Variants in ATP8B3 observed in about 807,000 individuals in gnomAD.
ATP8B3 encodes the protein phospholipid-transporting ATPase IK.
ATP8B3 carries 141 observed loss-of-function variants against 140.9 expected under a neutral mutation model. That is an observed-to-expected ratio of 1.00 (90% CI 0.87 to 1.15). The LOEUF (loss-of-function observed/expected upper bound fraction) is 1.15. Among genes scored for constraint, ATP8B3 ranks in the 50% most tolerant of loss-of-function variants. The pLI is 0.00. For synonymous variants in ATP8B3, 765 were observed against 714.6 expected (o/e 1.07, Z -1.13); for missense variants, 1,874 against 1,740.6 (o/e 1.08, Z -1.36).
chr19:1,796,472 G>A (rs886513025), intron 16 of ATP8B3, among the ~76,000 whole-genome samples: 13 of 152,246 alleles, frequency 8.5e-5, no homozygotes, highest in African/African-American at 2.7e-4. Flanking sequence ...CCGACCGCAG[G>A]CCTGGACATC....
In ATP8B3 at chr19:1,789,044, C is replaced by T; in HGVS notation, c.2922G>A (p.Gln974=). Residue 974 remains glutamine (Q), a synonymous_variant, in exon 24 of 29, where the codon CAG becomes CAA. Transcript: ENST00000310127. The part of the protein sequence containing the change: ...AVQNSDFVLG[Q]FCFLQRLLLV... ...GCAGGAGGCGCTGCAGGAAGCAGAA[C>T]TGGCCGAGCACGAAGTCGCTGTTCT... 5 of 1,607,474 alleles carry T rather than the reference C, an allele frequency of 3.1e-6. No homozygotes were observed. The highest frequency in any genetic ancestry group is 4.2e-6 in the Non-Finnish European group (5 of 1,177,778).
At chr19:1,790,300 CCCCCTCCCTCCACTGCCCCT>C (rs1338545057) in intron 21 of ATP8B3, among the ~76,000 whole-genome samples, 3 of 13,762 alleles carry the variant, frequency 2.2e-4, no homozygotes, top group African/African-American at 1.3e-3. Context: ...CCTCTCCCCT[CCCCCTCCCTCCACTGCCCCT>C]CCCCTCCTCC....
chr19:1,805,567 G>C lies in ATP8B3; in HGVS notation c.822-111C>G. On this transcript the variant is annotated intron_variant, in intron 9 of 28. Coordinates refer to ENST00000310127, the MANE Select transcript of ATP8B3 (RefSeq NM_138813.4). This position sits in a 1 kb window ranked among gnomAD's most constrained non-coding sequence, Gnocchi z 5.2. ...ATTTTCACTGAGCACCTACTAGTTC[G>C]CCAGCTGCCAGTCAGATGGCTGAGG... 1.0e-6 allele frequency: 1 copy of C among 957,370 alleles called. No individual in the cohort carries two copies. The highest frequency in any genetic ancestry group is 1.4e-5 in the South Asian group (1 of 69,398). The allele number at this position is 957,370 out of a possible 1,614,324, so 59.3% of individuals were successfully genotyped here. A position where few individuals can be genotyped will look rare whatever the true frequency, so the allele number is the denominator to read the frequency against.
intron 14 of ATP8B3, 167 bp downstream of exon 14, chr19:1,799,780 T>G (rs531308728): frequency 3.0e-6 from 2 of 675,906 alleles, no homozygotes; most frequent in South Asian, 3.7e-5. Flanking sequence ...AAAAAAAAAA[T>G]TTTCCTGGCC....
rs566797265 is a variant in ATP8B3 at position 1,808,295 on chromosome 19, A to G, written c.443T>C (p.Phe148Ser). The change falls in exon 5 of 29, where the codon TTC (phenylalanine) becomes TCC (serine). Residue 148 changes from phenylalanine to serine, a missense_variant. Around this residue, in one of 3 missense-constraint regions of ATP8B3, gnomAD observed 1,032 missense variants for 963.6 expected, o/e 1.07. Coordinates refer to ENST00000310127, the MANE Select transcript of ATP8B3 (RefSeq NM_138813.4). ...CTGCTCGTACAGGTTCAGCGGCAGG[A>G]ACGAGTAGAAGTTGTACTTGGCCGT... ...IRTAKYNFYS[F>S]LPLNLYEQFH... The G allele has an allele frequency of 9.9e-6, 16 of 1,612,922 alleles. No individual in the cohort carries two copies. The highest frequency in any genetic ancestry group is 1.4e-5 in the Non-Finnish European group (16 of 1,179,632).
At chr19:1,796,608 G>A (rs1218311100) in intron 16 of ATP8B3, 103 bp downstream of exon 16, 2 of 1,436,062 alleles carry the variant, frequency 1.4e-6, no homozygotes, top group Non-Finnish European at 1.8e-6. Context: ...CCCCAAGCCA[G>A]CTGAAAGCCC....
rs751202182 is a variant in ATP8B3 at position 1,783,203 on chromosome 19, C to A, written c.3728G>T (p.Arg1243Leu). 1.3e-5 allele frequency: 21 copies of A among 1,612,544 alleles called. No individual in the cohort carries two copies. The East Asian group carries it at 4.7e-4, about 36-fold the overall frequency. The change falls in exon 29 of 29, where the codon CGG becomes CTG. Residue 1243 changes from arginine to leucine, a missense_variant. By Grantham distance (102) the Arg-to-Leu change is moderately radical (BLOSUM62 -2). This residue lies in a region of ATP8B3 where 840 missense variants were observed against 760.9 expected (regional missense o/e 1.10). Coordinates refer to ENST00000310127, the MANE Select transcript of ATP8B3 (RefSeq NM_138813.4). ...FTMEPLPHVHRESRARRSSYA... is the reference protein window; with the variant it reads ...FTMEPLPHVHLESRARRSSYA... The stretch of plus-strand genomic sequence containing the variant: ...GCTGGAACGGCGGGCACGAGACTCC[C>A]GGTGTACATGAGGCAAGGGCTCCAT...
rs1293238917 is a variant in ATP8B3 at position 1,800,260 on chromosome 19, G to A, written c.1342C>T (p.Leu448=). The A allele has an allele frequency of 1.2e-6, 2 of 1,611,250 alleles. No individual in the cohort carries two copies. The highest frequency in any genetic ancestry group is 8.5e-7 in the Non-Finnish European group (1 of 1,179,252). The change falls in exon 13 of 29, where the codon CTG becomes TTG. Residue 448 remains leucine, a splice_region_variant and synonymous_variant. Transcript: ENST00000310127. This position sits in a 1 kb window ranked among gnomAD's most constrained non-coding sequence, Gnocchi z 4.4. ...SVTIPMSMFI[L]SEFIYLGNSV... ...GGGACGCAGCCGGCGGAGACTCACA[G>A]GATGAACATGGACATCGGGATGGTG...
chr19:1,802,609 T>A lies in ATP8B3; in HGVS notation c.941A>T (p.His314Leu). 6.2e-7 allele frequency: 1 copy of A among 1,611,708 alleles called. No homozygotes were observed. Among genetic ancestry groups the A allele is most frequent in the Non-Finnish European group, 8.5e-7 (1 of 1,179,562 alleles). Reference sequence around the variant, plus strand: ...CCATTCCAGGCACCCCACGAAGTGGTGCATCCGACTGTTAGGCGCCTCACA... The same window carrying A: ...CCATTCCAGGCACCCCACGAAGTGGAGCATCCGACTGTTAGGCGCCTCACA... ...VTCEAPNSRM[H>L]HFVGCLEWND... Residue 314 changes from histidine to leucine, a missense_variant, in exon 11 of 29, where the codon CAC becomes CTC. His to Leu is a moderately conservative substitution (Grantham distance 99). This residue lies in a region of ATP8B3 where 1,032 missense variants were observed against 963.6 expected (regional missense o/e 1.07). Coordinates refer to ENST00000310127, the MANE Select transcript of ATP8B3 (RefSeq NM_138813.4).
intron 18 of ATP8B3, among the ~76,000 whole-genome samples, chr19:1,795,495 G>A (rs1450025444): frequency 2.6e-5 from 4 of 152,014 alleles, no homozygotes; most frequent in Non-Finnish European, 5.9e-5. Context: ...AGGTTGCAGC[G>A]AGCCAAGACT....
chr19:1,810,646 G>T lies in ATP8B3; in HGVS notation c.286C>A (p.Leu96Ile). The T allele has an allele frequency of 6.2e-7, 1 of 1,613,070 alleles. No homozygotes were observed. Among genetic ancestry groups the T allele is most frequent in the Non-Finnish European group, 8.5e-7 (1 of 1,179,612 alleles). ...SMGSLGQRED[L>I]QDEDRNSAFT... ...CCTGAGTTCCTGTCCTCATCTTGGA[G>T]ATCTTCTCTCTGGCCGAGGCTGCCC... Residue 96 changes from leucine to isoleucine, a missense_variant, in exon 3 of 29, where the codon CTC (leucine) becomes ATC (isoleucine). By Grantham distance (5) the Leu-to-Ile change is conservative. Transcript: ENST00000310127.
chr19:1,807,476 G>A lies in ATP8B3; in HGVS notation c.517-210C>T, dbSNP rs147663788. Among the ~76,000 whole-genome samples the A allele has an allele frequency of 1.3e-4, 20 of 151,958 alleles. No homozygotes were observed. The highest frequency in any genetic ancestry group is 2.9e-4 in the African/African-American group (12 of 41,434). On this transcript the variant is annotated intron_variant, in intron 5 of 28. Transcript: ENST00000310127. This position sits in a 1 kb window ranked among gnomAD's most constrained non-coding sequence, Gnocchi z 5.9. The stretch of plus-strand genomic sequence containing the variant: ...GCCTGGAACTTCTCCCACACGCCTC[G>A]TCTCCCCAGCAAACTCCCCTTCTCC...
At chr19:1,784,721 G>A in intron 28 of ATP8B3, 98 bp downstream of exon 28, 3 of 1,416,112 alleles carry the variant, frequency 2.1e-6, no homozygotes, top group East Asian at 5.1e-5. Flanking sequence ...AGGGCCGAGA[G>A]GGGCCGGGAC....
chr19:1,788,931 A>C lies in ATP8B3; in HGVS notation c.3035T>G (p.Val1012Gly), dbSNP rs369696728. ...YKSMASMMVQ[V>G]WFACYNGFTG... ...GAAGCCGTTGTAGCAGGCAAACCAG[A>C]CCTGCACCATCATGCTGGCCATGCT... is the stretch of plus-strand genomic sequence containing the variant. The change falls in exon 24 of 29, where the codon GTC becomes GGC. Residue 1012 changes from valine to glycine, a missense_variant. Physicochemically the swap from Val to Gly is moderately radical, Grantham distance 109. Coordinates refer to ENST00000310127, the MANE Select transcript of ATP8B3 (RefSeq NM_138813.4). 2 of 1,604,922 alleles carry C rather than the reference A, an allele frequency of 1.2e-6. No individual in the cohort carries two copies. The highest frequency in any genetic ancestry group is 2.7e-5 in the African/African-American group (2 of 74,718).
intron 24 of ATP8B3, 98 bp from the exon 25 acceptor site, chr19:1,787,284 T>G: frequency 1.0e-6 from 1 of 983,476 alleles, no homozygotes; most frequent in Non-Finnish European, 1.6e-6. Flanking sequence ...GTGAGGTAAC[T>G]CTGGTCGAGT....
In ATP8B3 at chr19:1,784,934, C is replaced by G; in HGVS notation, c.3545G>C (p.Ser1182Thr). ...CAGGATGGAGGGAGAGGACATCACG[C>G]TGAGGTCGGCATCTGGGGACAGGGC... Reference protein sequence around the residue: ...TTFPFLYADLSVMSSPSILLV... With the variant: ...TTFPFLYADLTVMSSPSILLV... The change falls in exon 28 of 29, where the codon AGC (serine) becomes ACC (threonine). Residue 1182 changes from serine to threonine, a missense_variant. Physicochemically the swap from Ser to Thr is moderately conservative, Grantham distance 58. Around this residue, in one of 3 missense-constraint regions of ATP8B3, gnomAD observed 840 missense variants for 760.9 expected, o/e 1.10. Coordinates refer to ENST00000310127, the MANE Select transcript of ATP8B3 (RefSeq NM_138813.4). 1 of 1,610,558 alleles carries G rather than the reference C, an allele frequency of 6.2e-7. No homozygotes were observed. The highest frequency in any genetic ancestry group is 8.5e-7 in the Non-Finnish European group (1 of 1,178,392).
chr19:1,806,560 G>A lies in ATP8B3; in HGVS notation c.677+68C>T, dbSNP rs1015410764. 1 of 1,545,410 alleles carries A rather than the reference G, an allele frequency of 6.5e-7. No individual in the cohort carries two copies. Among genetic ancestry groups the A allele is most frequent in the Non-Finnish European group, 8.7e-7 (1 of 1,145,472 alleles). ...ACGGAAGGTGATGGACACTTGCCGA[G>A]GCCGATGACCCTGCTGGGCTGGAGC... On this transcript the variant is annotated intron_variant, in intron 7 of 28. Transcript: ENST00000310127. This position sits in a 1 kb window ranked among gnomAD's most constrained non-coding sequence, Gnocchi z 5.6.
Position 1,806,794 on chromosome 19 carries a change from C to T in ATP8B3, c.616-105G>A. On this transcript the variant is annotated intron_variant, in intron 6 of 28. Coordinates refer to ENST00000310127, the MANE Select transcript of ATP8B3 (RefSeq NM_138813.4). This position sits in a 1 kb window ranked among gnomAD's most constrained non-coding sequence, Gnocchi z 5.6. Reference sequence around the variant, plus strand: ...GCAGTGCCCGCCCGCAACACGGGGTCCCTGTCCGCTGGCCCCACGCCACGT... The same window carrying T: ...GCAGTGCCCGCCCGCAACACGGGGTTCCTGTCCGCTGGCCCCACGCCACGT... 1 of 1,285,310 alleles carries T rather than the reference C, an allele frequency of 7.8e-7. No homozygotes were observed. Among genetic ancestry groups the T allele is most frequent in the Non-Finnish European group, 1.1e-6 (1 of 913,124 alleles). 79.6% of individuals were successfully genotyped at this position (1,285,310 alleles called of 1,614,324 possible). A position where few individuals can be genotyped will look rare whatever the true frequency, so the allele number is the denominator to read the frequency against.
At chr19:1,804,808 A>AAAAAAG (rs937762727) in intron 10 of ATP8B3, among the ~76,000 whole-genome samples, 16 of 152,196 alleles carry the variant, frequency 1.1e-4, no homozygotes, top group South Asian at 6.2e-4. Context: ...CTCCGTCTCA[A>AAAAAAG]AAAAAGAAAA....
Sources: allele counts gnomAD v4.1 joint callset (sites outside exome capture counted in the v4.1 genomes callset), GRCh38; gene constraint gnomAD v4.1.1; regional missense constraint gnomAD v4.1.1; non-coding constraint Gnocchi (gnomAD v3.1); transcripts MANE v1.5; gene names NCBI Gene and HGNC (gene_info 2026-07-23, HGNC 2026-07-21).